The following FA2H variants were observed in gnomAD, a reference collection of about 807,000 sequenced individuals.
The protein encoded by FA2H is fatty acid 2-hydroxylase.
A neutral mutation model predicts 44.9 loss-of-function variants in FA2H; 22 were observed. That is an observed-to-expected ratio of 0.49 (90% CI 0.35 to 0.70). FA2H has a LOEUF of 0.70. Ranked by LOEUF, FA2H falls within the 30% of genes least tolerant of loss-of-function variation. The probability of loss-of-function intolerance (pLI) is 0.01; values close to 1 mark genes in which losing one functional copy is unlikely to be tolerated. For missense variants in FA2H, 501 were observed against 504.9 expected, an observed-to-expected ratio of 0.99 and a Z score of 0.07; for synonymous variants, 243 against 213.2, an observed-to-expected ratio of 1.14 and a Z score of -1.22.
At chr16:74,730,414 A>T (rs1962049967) in intron 2 of FA2H, among the ~76,000 whole-genome samples, 1 of 152,034 alleles carries the variant, frequency 6.6e-6, no homozygotes, top group Non-Finnish European at 1.5e-5. Flanking sequence ...CAATCATCCA[A>T]ACTCCACCTA....
intron 1 of FA2H, among the ~76,000 whole-genome samples, chr16:74,767,962 G>A (rs1037098124): frequency 5.9e-5 from 9 of 152,160 alleles, no homozygotes; most frequent in Admixed American, 3.9e-4. Flanking sequence ...ACTGACCACC[G>A]GGTGGAGGAA....
At chr16:74,755,100 C>A (rs1267442019) in intron 1 of FA2H, among the ~76,000 whole-genome samples, 1 of 151,720 alleles carries the variant, frequency 6.6e-6, no homozygotes, top group Non-Finnish European at 1.5e-5. Context: ...GGGAACCAAC[C>A]CTGTTGAAAT....
intron 4 of FA2H, among the ~76,000 whole-genome samples, chr16:74,722,500 C>T (rs146266541): frequency 1.7e-3 from 261 of 152,234 alleles, no homozygotes; most frequent in African/African-American, 6.2e-3. Flanking sequence ...TGCACCATTG[C>T]ACTCCAGCCT....
intron 1 of FA2H, among the ~76,000 whole-genome samples, chr16:74,771,790 C>T (rs57832954): frequency 0.1 from 15,814 of 152,066 alleles, 1,021 homozygotes; most frequent in African/African-American, 0.18. Context: ...CCCTTCCCCC[C>T]ATGGTCACAG....
chr16:74,726,051 T>C, intron 4 of FA2H, 174 bp downstream of exon 4: 1 of 616,264 alleles, frequency 1.6e-6, no homozygotes, highest in Non-Finnish European at 3.0e-6. Flanking sequence ...GGGGGGTAGA[T>C]GGGAGTCAGA....
chr16:74,759,914 GT>G (rs1052122752), intron 1 of FA2H, among the ~76,000 whole-genome samples: 5 of 152,112 alleles, frequency 3.3e-5, no homozygotes, highest in African/African-American at 1.2e-4. Context: ...CCCATGGCAA[GT>G]TTTTTTAGGA....
intron 1 of FA2H, among the ~76,000 whole-genome samples, chr16:74,771,894 C>T (rs1962914848): frequency 6.6e-6 from 1 of 152,102 alleles, no homozygotes; most frequent in African/African-American, 2.4e-5. Flanking sequence ...CAGCCAGCGT[C>T]CTCTTCTAAA....
intron 6 of FA2H, 96 bp downstream of exon 6, chr16:74,716,251 G>C (rs1019490949): frequency 1.4e-6 from 2 of 1,433,032 alleles, no homozygotes; most frequent in Non-Finnish European, 1.9e-6. Flanking sequence ...CCCCGTACAT[G>C]GAACAGTGCC....
At chr16:74,715,957 A>G (rs113419607) in intron 6 of FA2H, among the ~76,000 whole-genome samples, 470 of 152,130 alleles carry the variant, frequency 3.1e-3, no homozygotes, top group Non-Finnish European at 4.7e-3. Context: ...CTGAGATTAT[A>G]GGTGGGCACA....
intron 1 of FA2H, among the ~76,000 whole-genome samples, chr16:74,746,429 C>T (rs1445474898): frequency 6.6e-6 from 1 of 150,940 alleles, no homozygotes; most frequent in Admixed American, 6.6e-5. Flanking sequence ...AGGTTAGTCT[C>T]AACCTCCTAG....
intron 2 of FA2H, among the ~76,000 whole-genome samples, chr16:74,736,314 TAGAG>T (rs1962179018): frequency 6.6e-6 from 1 of 152,028 alleles, no homozygotes; most frequent in Non-Finnish European, 1.5e-5. Context: ...GGAGGGATTA[TAGAG>T]AGAAAGGAGG....
At chr16:74,714,785 A>G (rs978154957) in intron 6 of FA2H, among the ~76,000 whole-genome samples, 45 of 151,968 alleles carry the variant, frequency 3.0e-4, no homozygotes, top group African/African-American at 1.0e-3. Context: ...TTTAATTCTG[A>G]TGAATTAACA....
At chr16:74,739,965 C>T (rs964623554) in intron 2 of FA2H, 58 bp downstream of exon 2, 50 of 1,306,712 alleles carry the variant, frequency 3.8e-5, no homozygotes, top group Non-Finnish European at 5.2e-5. Flanking sequence ...ACACCCTCTT[C>T]CTCTCCTCAT....
At chr16:74,766,627 C>T (rs902469754) in intron 1 of FA2H, among the ~76,000 whole-genome samples, 1 of 147,740 alleles carries the variant, frequency 6.8e-6, no homozygotes, top group Non-Finnish European at 1.5e-5. Flanking sequence ...GGGGAATGTT[C>T]CAGAAGGAAA....
chr16:74,758,632 A>G (rs560015423), intron 1 of FA2H, among the ~76,000 whole-genome samples: 1 of 152,224 alleles, frequency 6.6e-6, no homozygotes, highest in East Asian at 1.9e-4. Flanking sequence ...GTCGATTAGA[A>G]TGAGAGTTTC....
intron 1 of FA2H, among the ~76,000 whole-genome samples, chr16:74,771,686 C>T (rs1458603185): frequency 2.0e-5 from 3 of 152,148 alleles, no homozygotes; most frequent in African/African-American, 4.8e-5. Context: ...CAGCATGAGC[C>T]GACACCAAAC....
chr16:74,751,313 C>G (rs908821570), intron 1 of FA2H, among the ~76,000 whole-genome samples: 2 of 152,152 alleles, frequency 1.3e-5, no homozygotes, highest in African/African-American at 4.8e-5. Context: ...CCAGGCTGGT[C>G]TTGAACTCCT....
Position 74,769,785 on chromosome 16 carries a change from C to A in FA2H, c.270+4701G>T, listed in dbSNP as rs528708363. Among the ~76,000 whole-genome samples, 4 of 152,316 alleles carry A rather than the reference C, an allele frequency of 2.6e-5. No homozygotes were observed. In the South Asian group the frequency reaches 8.3e-4, roughly 32 times the overall value. ...GCTGCAGCTGGCAGAGCACTGCTCTCGCCTGAGCTTGGGGTGAGGCTCTTG... is the reference window on the plus strand; with the variant it reads ...GCTGCAGCTGGCAGAGCACTGCTCTAGCCTGAGCTTGGGGTGAGGCTCTTG... On this transcript the variant is annotated intron_variant, in intron 1 of 6. Coordinates refer to ENST00000219368, the MANE Select transcript of FA2H (RefSeq NM_024306.5).
intron 1 of FA2H, among the ~76,000 whole-genome samples, chr16:74,757,527 G>A (rs1261192282): frequency 2.6e-5 from 4 of 152,126 alleles, no homozygotes; most frequent in South Asian, 2.1e-4. Context: ...TATGCAAAGG[G>A]ATTGTGTAAG....
Sources: gnomAD v4.1 joint callset for allele counts (sites outside exome capture counted in the v4.1 genomes callset) on GRCh38, gnomAD v4.1.1 for gene constraint, MANE v1.5 for transcripts, NCBI Gene and HGNC (gene_info 2026-07-23, HGNC 2026-07-21) for gene names.